The following TRAK1 variants were observed in gnomAD, a reference collection of about 807,000 sequenced individuals.
The protein encoded by TRAK1 is trafficking kinesin-binding protein 1.
A neutral mutation model predicts 92.1 loss-of-function variants in TRAK1; 33 were observed. The ratio of observed to expected loss-of-function variants is 0.36; its 90% CI spans 0.27 to 0.48. TRAK1 has a LOEUF of 0.48. Ranked by LOEUF, TRAK1 falls within the 20% of genes least tolerant of loss-of-function variation. TRAK1 has a pLI of 0.99. For missense variants in TRAK1, 1,123 were observed against 1,257.9 expected (o/e 0.89, Z 1.62); for synonymous variants, 521 against 517.3 (o/e 1.01, Z -0.10).
intron 1 of TRAK1, among the ~76,000 whole-genome samples, chr3:42,061,155 G>A (rs1051981268): frequency 6.6e-6 from 1 of 152,148 alleles, no homozygotes; most frequent in African/African-American, 2.4e-5. Context: ...TACAAAAAGT[G>A]TGCAGAGTTC....
At chr3:42,085,987 CAGGAAACTCCAGGGAT>C (rs1185654767), upstream of TRAK1, among the ~76,000 whole-genome samples, 7 of 152,298 alleles carry the variant, frequency 4.6e-5, no homozygotes, top group East Asian at 7.7e-4. Flanking sequence ...GAACTAGTCT[CAGGAAACTCCAGGGAT>C]TCTCAGACCA....
intron 2 of TRAK1, among the ~76,000 whole-genome samples, chr3:42,128,505 A>G (rs1233856738): frequency 6.6e-6 from 1 of 152,260 alleles, no homozygotes; most frequent in African/African-American, 2.4e-5. Flanking sequence ...AGGACCCTGT[A>G]GAGCAGAGCT....
At chr3:42,178,125 C>T (rs1305924931) in intron 3 of TRAK1, among the ~76,000 whole-genome samples, 1 of 152,190 alleles carries the variant, frequency 6.6e-6, no homozygotes, top group East Asian at 1.9e-4. Flanking sequence ...GGCACCCGCT[C>T]ATCACCCCGT....
intron 13 of TRAK1, among the ~76,000 whole-genome samples, chr3:42,205,721 A>G (rs377227460): frequency 1.3e-5 from 2 of 152,258 alleles, no homozygotes; most frequent in Admixed American, 6.5e-5. Context: ...TCATTCTAGT[A>G]TCTAAGCCCT....
At chr3:42,086,473 T>A (rs1367397760), upstream of TRAK1, among the ~76,000 whole-genome samples, 3 of 149,442 alleles carry the variant, frequency 2.0e-5, no homozygotes, top group Non-Finnish European at 4.5e-5. Flanking sequence ...ACCTGACTAA[T>A]TTTTTTTTTG....
intron 1 of TRAK1, among the ~76,000 whole-genome samples, chr3:42,020,215 A>G (rs1033542838): frequency 1.3e-5 from 2 of 152,228 alleles, no homozygotes; most frequent in African/African-American, 4.8e-5. Flanking sequence ...ATTACCATCT[A>G]AGGTTGACAA....
intron 2 of TRAK1, among the ~76,000 whole-genome samples, chr3:42,154,058 C>T (rs1451769185): frequency 6.6e-6 from 1 of 152,214 alleles, no homozygotes; most frequent in Non-Finnish European, 1.5e-5. Context: ...AATGTCCTCT[C>T]TGACATAGGA....
intron 2 of TRAK1, among the ~76,000 whole-genome samples, chr3:42,154,330 G>C (rs1700294428): frequency 6.6e-6 from 1 of 152,038 alleles, no homozygotes; most frequent in South Asian, 2.1e-4. Flanking sequence ...CCATCACCAT[G>C]CCTGGCTTAT....
chr3:42,140,514 C>A (rs1384422342), intron 2 of TRAK1, among the ~76,000 whole-genome samples: 1 of 152,172 alleles, frequency 6.6e-6, no homozygotes, highest in Non-Finnish European at 1.5e-5. Context: ...GTAGTCCCAG[C>A]TACTCGGGAG....
intron 13 of TRAK1, among the ~76,000 whole-genome samples, chr3:42,208,523 C>G (rs1170160910): frequency 6.6e-6 from 1 of 152,184 alleles, no homozygotes. Flanking sequence ...CCTGAGCTGC[C>G]GACTCCTGGC....
intron 10 of TRAK1, among the ~76,000 whole-genome samples, chr3:42,195,992 A>G (rs984235278): frequency 5.3e-5 from 8 of 152,174 alleles, no homozygotes; most frequent in Admixed American, 4.6e-4. Flanking sequence ...CTGGGCACCC[A>G]GGATCCACTC....
intron 2 of TRAK1, among the ~76,000 whole-genome samples, chr3:42,131,574 AG>A (rs1355379966): frequency 6.8e-6 from 1 of 146,344 alleles, no homozygotes; most frequent in African/African-American, 2.6e-5. Context: ...AAAATTAGCC[AG>A]GCATGGTGGC....
At chr3:42,180,843 T>C (rs903260693) in intron 3 of TRAK1, among the ~76,000 whole-genome samples, 2 of 152,164 alleles carry the variant, frequency 1.3e-5, no homozygotes, top group Non-Finnish European at 2.9e-5. Flanking sequence ...AACCACCCTA[T>C]TGTGCTATCA....
At chr3:42,148,275 A>G (rs1410394675) in intron 2 of TRAK1, among the ~76,000 whole-genome samples, 2 of 152,136 alleles carry the variant, frequency 1.3e-5, no homozygotes, top group Admixed American at 1.3e-4. Context: ...GTTGCTGTTA[A>G]ACATCCTGCG....
intron 1 of TRAK1, among the ~76,000 whole-genome samples, chr3:42,055,907 A>G (rs1242717558): frequency 6.7e-6 from 1 of 150,356 alleles, no homozygotes; most frequent in Non-Finnish European, 1.5e-5. Flanking sequence ...TCTTTTGGAC[A>G]TTTGTTATAC....
chr3:42,218,274 A>G (rs1006744027), intron 14 of TRAK1: 64 of 985,246 alleles, frequency 6.5e-5, no homozygotes, highest in Non-Finnish European at 7.0e-5. Flanking sequence ...AACCAATTCC[A>G]TTGTTTTCCT....
Position 42,184,729 on chromosome 3 carries a change from G to T in TRAK1, c.408G>T (p.Leu136Phe), listed in dbSNP as rs1157195701. 5 of 1,614,090 alleles carry T rather than the reference G, an allele frequency of 3.1e-6. No homozygotes were observed. Among genetic ancestry groups the T allele is most frequent in the African/African-American group, 1.3e-5 (1 of 74,938 alleles). Residue 136 changes from leucine (L) to phenylalanine (F), a missense_variant, in exon 4 of 16, where the codon TTG becomes TTT. Transcript: ENST00000327628. ...TGGCCGCTCGCATCGGCCAGTCGTTGTTGAAGAAGAACAAGACCCTAACCG... is the reference window on the plus strand; with the variant it reads ...TGGCCGCTCGCATCGGCCAGTCGTTTTTGAAGAAGAACAAGACCCTAACCG... ...LELAARIGQSLLKKNKTLTER... is the reference protein window; with the variant it reads ...LELAARIGQSFLKKNKTLTER...
intron 2 of TRAK1, among the ~76,000 whole-genome samples, chr3:42,155,521 G>C (rs1700439774): frequency 1.3e-5 from 2 of 152,200 alleles, no homozygotes; most frequent in Non-Finnish European, 2.9e-5. Flanking sequence ...TATGTGGGCA[G>C]AAGTTAGCAG....
At chr3:42,221,112 A>G (rs1465576328) in intron 15 of TRAK1, among the ~76,000 whole-genome samples, 2 of 146,076 alleles carry the variant, frequency 1.4e-5, no homozygotes, top group African/African-American at 2.5e-5. Context: ...TTTGAAAGAA[A>G]GGCTGCTTGA....
Sources: gnomAD v4.1 joint callset for allele counts (sites outside exome capture counted in the v4.1 genomes callset) on GRCh38, gnomAD v4.1.1 for gene constraint, MANE v1.5 for transcripts, NCBI Gene and HGNC (gene_info 2026-07-23, HGNC 2026-07-21) for gene names.